Variants in WDR82 observed in about 807,000 individuals in gnomAD.
WDR82 encodes the protein WD repeat domain 82, also known as WD repeat-containing protein 82.
WDR82 carries 8 observed loss-of-function variants against 36.1 expected under a neutral mutation model. The observed-to-expected ratio is 0.22, with a 90% CI of 0.13 to 0.40. The LOEUF is 0.40. WDR82 is among the 10% of genes least tolerant of loss of function. The pLI is 1.00. For missense variants in WDR82, 185 were observed against 400.5 expected (o/e 0.46, Z 4.59); for synonymous variants, 129 against 137.8 (o/e 0.94, Z 0.45).
At position 52,254,698 on chromosome 3, in the gene WDR82, G is replaced by A. The variant is rs1402708118; in HGVS notation, c.*2792C>T. 1 of 152,372 alleles carries A rather than the reference G, an allele frequency of 6.6e-6. No homozygotes were observed. Among genetic ancestry groups the A allele is most frequent in the African/African-American group, 2.4e-5 (1 of 41,430 alleles). The allele number at this position is 152,372 out of a possible 1,614,324, so 9.4% of individuals were successfully genotyped here. A position where few individuals can be genotyped will look rare whatever the true frequency, so the allele number is the denominator to read the frequency against. ...AATTTCTTTAAGTACCCAGTGCAGTGTCACTGTCAAATAAACATCAGTGGC... is the reference window on the plus strand; with the variant it reads ...AATTTCTTTAAGTACCCAGTGCAGTATCACTGTCAAATAAACATCAGTGGC... On this transcript the variant is annotated 3_prime_UTR_variant, in exon 9 of 9. Transcript: ENST00000296490.
intron 7 of WDR82, 71 bp from the exon 8 acceptor site, chr3:52,258,749 G>C: frequency 6.2e-7 from 1 of 1,602,448 alleles, no homozygotes; most frequent in Non-Finnish European, 8.5e-7. Context: ...ATGAGACATG[G>C]ATTGAGATCT....
chr3:52,275,856 C>T (rs558834716), intron 1 of WDR82, among the ~76,000 whole-genome samples: 1 of 152,262 alleles, frequency 6.6e-6, no homozygotes, highest in Non-Finnish European at 1.5e-5. Context: ...TGCACTCCAG[C>T]CTGGGCGACT....
At chr3:52,259,598 G>A in intron 6 of WDR82, 119 bp downstream of exon 6, 1 of 1,240,718 alleles carries the variant, frequency 8.1e-7, no homozygotes, top group East Asian at 2.4e-5. Flanking sequence ...GAAAATACAA[G>A]TGCATGCCTT....
chr3:52,267,170 C>T (rs960794624), intron 2 of WDR82, 152 bp from the exon 3 acceptor site: 2 of 538,010 alleles, frequency 3.7e-6, no homozygotes, highest in Non-Finnish European at 6.5e-6. Context: ...TTCTACTCTG[C>T]AGCTGAAGAG....
intron 3 of WDR82, among the ~76,000 whole-genome samples, chr3:52,265,839 G>C (rs1328636035): frequency 1.3e-5 from 2 of 152,066 alleles, no homozygotes; most frequent in Non-Finnish European, 2.9e-5. Context: ...GCCTTCCAAA[G>C]AGCTGGGATT....
chr3:52,270,817 GA>G lies in WDR82; in HGVS notation c.162-9del, dbSNP rs1700146576. The stretch of plus-strand genomic sequence containing the variant: ...TACAGGGTTCTCTTTGGTCTGATAA[GA>G]AAATAGAGACAGAAAATCATGAACA... On this transcript the variant is annotated splice_polypyrimidine_tract_variant and intron_variant, in intron 1 of 8. Transcript: ENST00000296490. 1 of 1,566,684 alleles carries G rather than the reference GA, an allele frequency of 6.4e-7. No homozygotes were observed. Among genetic ancestry groups the G allele is most frequent in the Non-Finnish European group, 8.7e-7 (1 of 1,155,018 alleles).
chr3:52,267,302 C>G, intron 2 of WDR82: 1 of 297,420 alleles, frequency 3.4e-6, no homozygotes, highest in South Asian at 3.0e-5. Context: ...GCAACTCCCA[C>G]CCTGCAAATA....
chr3:52,270,584 T>C (rs765815855), intron 2 of WDR82, 128 bp downstream of exon 2: 43 of 718,606 alleles, frequency 6.0e-5, no homozygotes, highest in Non-Finnish European at 8.8e-5. Context: ...ACAATGCAAT[T>C]AACATTACTA....
chr3:52,263,355 A>G (rs1700078118), intron 3 of WDR82, among the ~76,000 whole-genome samples: 1 of 152,248 alleles, frequency 6.6e-6, no homozygotes, highest in Non-Finnish European at 1.5e-5. Flanking sequence ...AGGATTTCAA[A>G]GAAGTAGCCC....
Position 52,278,582 on chromosome 3 carries a change from C to G in WDR82, c.-221G>C, listed in dbSNP as rs1361383555. 4.9e-6 allele frequency: 2 copies of G among 412,030 alleles called. No homozygotes were observed. Among genetic ancestry groups the G allele is most frequent in the African/African-American group, 4.1e-5 (2 of 48,874 alleles). 25.5% of individuals were successfully genotyped at this position (412,030 alleles called of 1,614,324 possible). A position where few individuals can be genotyped will look rare whatever the true frequency, so the allele number is the denominator to read the frequency against. On this transcript the variant is annotated 5_prime_UTR_variant, in exon 1 of 9. Transcript: ENST00000296490. Reference sequence around the variant, plus strand: ...GCCGACCGTTCGTCCTCACAGCCACCTCACGGACAACCGGCGCGTCGCCGG... The same window carrying G: ...GCCGACCGTTCGTCCTCACAGCCACGTCACGGACAACCGGCGCGTCGCCGG...
chr3:52,273,027 A>AAGTGCTTCCTCCCCCT (rs2107342162), intron 1 of WDR82, among the ~76,000 whole-genome samples: 1 of 152,344 alleles, frequency 6.6e-6, no homozygotes, highest in South Asian at 2.1e-4. Context: ...ACTGTGTGGT[A>AAGTGCTTCCTCCCCCT]ACCAGTGAGG....
chr3:52,262,886 T>C (rs1700073465), intron 3 of WDR82, among the ~76,000 whole-genome samples: 1 of 152,188 alleles, frequency 6.6e-6, no homozygotes. Flanking sequence ...CCCAGCACTT[T>C]GGGAGGCCCA....
Position 52,257,521 on chromosome 3 carries a change from TAGA to T in WDR82, c.913-5_913-3del. 1.9e-6 allele frequency: 3 copies of T among 1,614,064 alleles called. No individual in the cohort carries two copies. The highest frequency in any genetic ancestry group is 2.5e-6 in the Non-Finnish European group (3 of 1,180,010). ...ATCAATGGTGGGCAACCAAAAGGCC[TAGA>T]AGGAGAACATAAATCAACTTTAAAA... On this transcript the variant is annotated splice_polypyrimidine_tract_variant and splice_region_variant and intron_variant, in intron 8 of 8. Transcript: ENST00000296490.
chr3:52,268,339 T>C, intron 2 of WDR82: 1 of 472,092 alleles, frequency 2.1e-6, no homozygotes, highest in Non-Finnish European at 4.4e-6. Context: ...ACCCTCAAAC[T>C]GTACAAACTA....
intron 7 of WDR82, 114 bp downstream of exon 7, chr3:52,259,083 A>G: frequency 5.7e-6 from 7 of 1,221,234 alleles, no homozygotes; most frequent in Admixed American, 2.1e-5. Context: ...AATGTGCTAT[A>G]CAGAAATCTA....
At chr3:52,271,118 G>A (rs1238071130) in intron 1 of WDR82, among the ~76,000 whole-genome samples, 2 of 152,214 alleles carry the variant, frequency 1.3e-5, no homozygotes, top group African/African-American at 2.4e-5. Context: ...CATGTGCCAT[G>A]TGATGACATT....
chr3:52,259,180 G>T lies in WDR82; in HGVS notation c.769+17C>A. On this transcript the variant is annotated intron_variant, in intron 7 of 8. Coordinates refer to ENST00000296490, the MANE Select transcript of WDR82 (RefSeq NM_025222.4). Reference sequence around the variant, plus strand: ...TACCAGAGAAATAACCCCCACAGGGGATAAAAGGAAACTCACCAATCATAA... The same window carrying T: ...TACCAGAGAAATAACCCCCACAGGGTATAAAAGGAAACTCACCAATCATAA... 1.2e-6 allele frequency: 2 copies of T among 1,611,918 alleles called. No homozygotes were observed. The highest frequency in any genetic ancestry group is 8.5e-7 in the Non-Finnish European group (1 of 1,178,280).
At position 52,254,675 on chromosome 3, in the gene WDR82, T is replaced by C. The variant is rs1297360012; in HGVS notation, c.*2815A>G. On this transcript the variant is annotated 3_prime_UTR_variant, in exon 9 of 9. Transcript: ENST00000296490. ...TAATTATAATTACAACGGGAAATAA[T>C]TTCTTTAAGTACCCAGTGCAGTGTC... is the stretch of plus-strand genomic sequence containing the variant. 1 of 152,436 alleles carries C rather than the reference T, an allele frequency of 6.6e-6. No individual in the cohort carries two copies. The highest frequency in any genetic ancestry group is 1.5e-5 in the Non-Finnish European group (1 of 68,010). The allele number at this position is 152,436 out of a possible 1,614,324, so 9.4% of individuals were successfully genotyped here. A position where few individuals can be genotyped will look rare whatever the true frequency, so the allele number is the denominator to read the frequency against.
chr3:52,262,633 C>G (rs925143354), intron 3 of WDR82, among the ~76,000 whole-genome samples: 1 of 152,196 alleles, frequency 6.6e-6, no homozygotes, highest in African/African-American at 2.4e-5. Context: ...GGCACCACAC[C>G]TAGAGAACCA....
Sources: allele counts gnomAD v4.1 joint callset (sites outside exome capture counted in the v4.1 genomes callset), GRCh38; gene constraint gnomAD v4.1.1; transcripts MANE v1.5; gene names NCBI Gene and HGNC (gene_info 2026-07-23, HGNC 2026-07-21).